The following ADGRL4 variants were observed in gnomAD, a reference collection of about 807,000 sequenced individuals.
ADGRL4 encodes EGF, latrophilin and seven transmembrane domain containing 1.
A neutral mutation model predicts 74.8 loss-of-function variants in ADGRL4; 90 were observed. The observed-to-expected ratio is 1.20, with a 90% CI of 1.02 to 1.43. The LOEUF is 1.43. Ranked by LOEUF, ADGRL4 falls within the 40% of genes most tolerant of loss-of-function variation. The pLI is 0.00. For synonymous variants in ADGRL4, 311 were observed against 279.2 expected (o/e 1.11, Z -1.14); for missense variants, 881 against 814.3 (o/e 1.08, Z -1.00).
intron 1 of ADGRL4, 57 bp downstream of exon 1, chr1:79,006,576 C>G: frequency 6.5e-7 from 1 of 1,531,896 alleles, no homozygotes; most frequent in Non-Finnish European, 8.8e-7. Context: ...AATCCAGTCC[C>G]CTACAAGGGA....
chr1:78,996,379 TA>T (rs1479263908), intron 2 of ADGRL4, among the ~76,000 whole-genome samples: 1 of 152,176 alleles, frequency 6.6e-6, no homozygotes, highest in Non-Finnish European at 1.5e-5. Flanking sequence ...ATAAAGATTA[TA>T]AAAAACTTAA....
chr1:78,969,542 T>C (rs1213996330), intron 2 of ADGRL4, among the ~76,000 whole-genome samples: 1 of 152,170 alleles, frequency 6.6e-6, no homozygotes, highest in Non-Finnish European at 1.5e-5. Flanking sequence ...GGCTCGGCTT[T>C]AAAAGGTCTT....
intron 2 of ADGRL4, among the ~76,000 whole-genome samples, chr1:78,966,748 C>T (rs781724796): frequency 1.6e-4 from 25 of 152,260 alleles, no homozygotes; most frequent in Non-Finnish European, 3.4e-4. Context: ...AGCTTCTCTC[C>T]CTGGTGGTGG....
intron 7 of ADGRL4, among the ~76,000 whole-genome samples, chr1:78,927,323 C>G (rs1191659259): frequency 6.6e-6 from 1 of 151,910 alleles, no homozygotes; most frequent in Non-Finnish European, 1.5e-5. Flanking sequence ...GTGTAGTATC[C>G]CCTTTGCACA....
chr1:78,948,865 T>C (rs1308893865), intron 2 of ADGRL4, among the ~76,000 whole-genome samples: 1 of 152,144 alleles, frequency 6.6e-6, no homozygotes, highest in Non-Finnish European at 1.5e-5. Flanking sequence ...AGTGAATATA[T>C]CTATATTGGG....
At chr1:78,939,390 C>T in intron 3 of ADGRL4, 132 bp from the exon 4 acceptor site, 10 of 1,009,998 alleles carry the variant, frequency 9.9e-6, no homozygotes, top group Non-Finnish European at 1.2e-5. Flanking sequence ...TGAATTTCCT[C>T]TTCAGTTTTA....
chr1:78,960,174 T>C (rs1649920533), intron 2 of ADGRL4, among the ~76,000 whole-genome samples: 1 of 152,196 alleles, frequency 6.6e-6, no homozygotes, highest in Non-Finnish European at 1.5e-5. Flanking sequence ...TATCATTGTA[T>C]TAAGTATTTT....
At chr1:78,910,792 C>A (rs980472238) in intron 12 of ADGRL4, among the ~76,000 whole-genome samples, 1 of 151,792 alleles carries the variant, frequency 6.6e-6, no homozygotes, top group Non-Finnish European at 1.5e-5. Context: ...CAAGACTAGG[C>A]CTTTTCAAGT....
chr1:78,891,104 C>T lies in ADGRL4; in HGVS notation c.*50G>A. 4 of 1,570,106 alleles carry T rather than the reference C, an allele frequency of 2.5e-6. No individual in the cohort carries two copies. The African/African-American group carries it at 5.4e-5, about 21-fold the overall frequency. ...ATTTTTATACATTGGTCATCCACAG[C>T]TTGGAATTTTTATTTTTGTGCAGTT... On this transcript the variant is annotated 3_prime_UTR_variant, in exon 15 of 15. Coordinates refer to ENST00000370742, the MANE Select transcript of ADGRL4 (RefSeq NM_022159.4).
rs761091831 is a variant in ADGRL4 at position 78,917,734 on chromosome 1, A to T, written c.1683-34T>A. 7 of 1,587,402 alleles carry T rather than the reference A, an allele frequency of 4.4e-6. No homozygotes were observed. The South Asian group carries it at 7.9e-5, about 18-fold the overall frequency. ...TAAATAAAAGATAGAATCTATAAAT[A>T]TGTTTGCATGTATGTTAACATAGCA... On this transcript the variant is annotated intron_variant, in intron 11 of 14. Transcript: ENST00000370742.
intron 12 of ADGRL4, 31 bp from the exon 13 acceptor site, chr1:78,893,220 T>G (rs756246824): frequency 2.2e-6 from 3 of 1,364,606 alleles, no homozygotes; most frequent in South Asian, 1.2e-5. Flanking sequence ...AAAGAAGAGA[T>G]AGTTTTCATC....
chr1:78,916,398 C>T lies in ADGRL4; in HGVS notation c.1749+1236G>A, dbSNP rs184762705. ...GATACGCCATCACATGAAATACTCA[C>T]ATCAGGGCAATCCATAAAAATATGC... On this transcript the variant is annotated intron_variant, in intron 12 of 14. Transcript: ENST00000370742. Among the ~76,000 whole-genome samples the T allele has an allele frequency of 1.8e-4, 28 of 151,948 alleles. No individual in the cohort carries two copies. The East Asian group carries it at 4.5e-3, about 24-fold the overall frequency.
chr1:78,950,360 T>C (rs1202600170), intron 2 of ADGRL4, among the ~76,000 whole-genome samples: 2 of 152,114 alleles, frequency 1.3e-5, no homozygotes, highest in African/African-American at 4.8e-5. Context: ...CAAGAATCTG[T>C]GCAGGTAGGC....
At chr1:78,946,029 TTTTA>T (rs1047720481) in intron 3 of ADGRL4, among the ~76,000 whole-genome samples, 43 of 152,282 alleles carry the variant, frequency 2.8e-4, no homozygotes, top group Admixed American at 1.4e-3. Context: ...TCTCACTTTC[TTTTA>T]TTTATTTATT....
chr1:78,960,493 T>A (rs962269129), intron 2 of ADGRL4, among the ~76,000 whole-genome samples: 1 of 152,204 alleles, frequency 6.6e-6, no homozygotes, highest in Non-Finnish European at 1.5e-5. Context: ...AATTATCCTG[T>A]GTCTCAGATC....
chr1:78,996,137 T>C (rs951645352), intron 2 of ADGRL4, among the ~76,000 whole-genome samples: 7 of 152,198 alleles, frequency 4.6e-5, no homozygotes, highest in African/African-American at 1.7e-4. Context: ...TAAATGAAAG[T>C]AGATGGATGT....
At chr1:78,922,093 A>G (rs1473523315) in intron 8 of ADGRL4, among the ~76,000 whole-genome samples, 1 of 152,034 alleles carries the variant, frequency 6.6e-6, no homozygotes, top group African/African-American at 2.4e-5. Flanking sequence ...TATTTTCTAG[A>G]TGTTTATCAT....
chr1:78,973,712 C>T (rs1220963425), intron 2 of ADGRL4, among the ~76,000 whole-genome samples: 2 of 148,484 alleles, frequency 1.3e-5, no homozygotes, highest in East Asian at 4.0e-4. Context: ...GCAAATTTTG[C>T]CATTTATAAT....
At position 78,891,163 on chromosome 1, in the gene ADGRL4, A is replaced by G; in HGVS notation, c.2064T>C (p.Cys688=). 6.2e-7 allele frequency: 1 copy of G among 1,611,612 alleles called. No homozygotes were observed. Among genetic ancestry groups the G allele is most frequent in the Non-Finnish European group, 8.5e-7 (1 of 1,178,512 alleles). The part of the protein sequence containing the change: ...LFKNVPCCFG[C]LR ...CCACCATTCTCTATGTTTACCTTAA[A>G]CATCCAAAACAACAGGGGACATTTT... is the stretch of plus-strand genomic sequence containing the variant. The change falls in exon 15 of 15, where the codon TGT becomes TGC. Residue 688 remains cysteine, a synonymous_variant. Coordinates refer to ENST00000370742, the MANE Select transcript of ADGRL4 (RefSeq NM_022159.4).
Sources: gnomAD v4.1 joint callset for allele counts (sites outside exome capture counted in the v4.1 genomes callset) on GRCh38, gnomAD v4.1.1 for gene constraint, MANE v1.5 for transcripts, NCBI Gene and HGNC (gene_info 2026-07-23, HGNC 2026-07-21) for gene names.